The following VWF variants were observed in gnomAD, a reference collection of about 807,000 sequenced individuals.
VWF encodes the protein von Willebrand factor, also known as Factor VIII related antigen.
In VWF, 176 loss-of-function variants were observed where a neutral mutation model predicts 308.6. That is an observed-to-expected ratio of 0.57 (90% CI 0.50 to 0.65). The LOEUF (loss-of-function observed/expected upper bound fraction) is 0.65. Ranked by LOEUF, VWF falls within the 30% of genes least tolerant of loss-of-function variation. The pLI, the probability that VWF is intolerant of heterozygous loss-of-function variation, is 0.00. For synonymous variants in VWF, 1,385 were observed against 1,443.4 expected, an observed-to-expected ratio of 0.96 and a Z score of 0.92; for missense variants, 3,146 against 3,648.2, an observed-to-expected ratio of 0.86 and a Z score of 3.55.
rs111372034 is a variant in VWF, at chr12:6,121,386, G to A, written c.56-48C>T. 86 of 1,603,624 alleles carry A rather than the reference G, an allele frequency of 5.4e-5. No homozygotes were observed. In the African/African-American group the frequency reaches 8.7e-4, roughly 16 times the overall value. On this transcript the variant is annotated intron_variant, in intron 2 of 51. Coordinates refer to ENST00000261405, the MANE Select transcript of VWF (RefSeq NM_000552.5). ...GGGCTGGTGATCTCAGGGCACAACT[G>A]GGACCATCAGCTCAAACCTCTCTGG...
chr12:5,969,382 G>A lies in VWF; in HGVS notation c.7558C>T (p.Gln2520Ter), dbSNP rs1448479214. ...CAGGGGTTCTCCGGGGAGGCCCACT[G>A]GGAGCCGACCTGCAGGGCACCAGAG... is the stretch of plus-strand genomic sequence containing the variant. ...SQSSWKSVGS[Q>*]WASPENPCLI... is the part of the protein sequence containing the mutation. Residue 2520 changes from glutamine (Q) to a stop codon, truncating the protein, a stop_gained, in exon 45 of 52, where the codon CAG (glutamine) becomes TAG (stop). Coordinates refer to ENST00000261405, the MANE Select transcript of VWF (RefSeq NM_000552.5). LOFTEE classifies it high-confidence loss of function. 1.2e-6 allele frequency: 2 copies of A among 1,614,082 alleles called. No homozygotes were observed. Among genetic ancestry groups the A allele is most frequent in the African/African-American group, 1.3e-5 (1 of 74,944 alleles).
intron 6 of VWF, among the ~76,000 whole-genome samples, chr12:6,086,221 T>C (rs1944970228): frequency 2.0e-5 from 3 of 152,218 alleles, no homozygotes; most frequent in African/African-American, 7.2e-5. Context: ...CCCTGGATTC[T>C]TGGACCTCAC....
chr12:6,057,015 T>C lies in VWF; in HGVS notation c.1787A>G (p.His596Arg). ...GTAGGGCAGCGGGCTGACGGCACGA[T>C]GGCAGGCCTCGAATGTGGGGGACGT... ...VLTSPTFEAC[H>R]RAVSPLPYLR... Residue 596 changes from histidine to arginine, a missense_variant, in exon 15 of 52, where the codon CAT (histidine) becomes CGT (arginine). This residue lies in a region of VWF where 1,304 missense variants were observed against 1,353.0 expected (regional missense o/e 0.96). Coordinates refer to ENST00000261405, the MANE Select transcript of VWF (RefSeq NM_000552.5). 1 of 1,550,482 alleles carries C rather than the reference T, an allele frequency of 6.4e-7. No individual in the cohort carries two copies. The highest frequency in any genetic ancestry group is 8.7e-7 in the Non-Finnish European group (1 of 1,153,354).
At chr12:5,957,832 A>G (rs1209988715) in intron 47 of VWF, among the ~76,000 whole-genome samples, 1 of 152,232 alleles carries the variant, frequency 6.6e-6, no homozygotes, top group East Asian at 1.9e-4. Context: ...ATATGTAGGT[A>G]AATATAAATC....
chr12:5,965,989 C>G (rs779185517), intron 47 of VWF, among the ~76,000 whole-genome samples: 2 of 152,200 alleles, frequency 1.3e-5, no homozygotes, highest in Non-Finnish European at 2.9e-5. Flanking sequence ...AAACCTACAT[C>G]TGAGACTGGA....
chr12:5,973,561 C>T (rs1430985957), intron 43 of VWF, among the ~76,000 whole-genome samples: 2 of 152,134 alleles, frequency 1.3e-5, no homozygotes, highest in East Asian at 1.9e-4. Flanking sequence ...ACTGGAGTTG[C>T]GGGTTGTACC....
At chr12:6,051,222 C>T (rs1327869427) in intron 16 of VWF, among the ~76,000 whole-genome samples, 1 of 151,246 alleles carries the variant, frequency 6.6e-6, no homozygotes, top group African/African-American at 2.4e-5. Context: ...GTTGGGGCTC[C>T]TTATACTATT....
Position 6,052,596 on chromosome 12 carries a change from A to G in VWF, c.2133T>C (p.Tyr711=). The change falls in exon 16 of 52, where the codon TAT becomes TAC. Residue 711 remains tyrosine, a synonymous_variant. Transcript: ENST00000261405. ...CTTCTGGCTGGAAGATCTCACCGTC[A>G]TAGTAACAGGGGCACTGGGCCTTGG... ...CVPKAQCPCY[Y]DGEIFQPEDI... is the part of the protein sequence containing the mutation. 1 of 1,614,252 alleles carries G rather than the reference A, an allele frequency of 6.2e-7. No homozygotes were observed. The highest frequency in any genetic ancestry group is 8.5e-7 in the Non-Finnish European group (1 of 1,180,046).
At chr12:6,103,385 CGTGT>C (rs1204590257) in intron 5 of VWF, among the ~76,000 whole-genome samples, 2 of 114,358 alleles carry the variant, frequency 1.7e-5, no homozygotes, top group Non-Finnish European at 3.4e-5. Context: ...TGTGTATACA[CGTGT>C]GTGTATACAC....
Position 6,046,657 on chromosome 12 carries a change from C to G in VWF, c.2281+66G>C. On this transcript the variant is annotated intron_variant, in intron 17 of 51. Coordinates refer to ENST00000261405, the MANE Select transcript of VWF (RefSeq NM_000552.5). The surrounding 1 kb of genome is among the most constrained non-coding windows in gnomAD (Gnocchi z 5.0). The stretch of plus-strand genomic sequence containing the variant: ...GACGGTGTCACCCAGCTCTCTCCCG[C>G]CATTCCACACGTGAGGAATCTGGGC... 6.8e-7 allele frequency: 1 copy of G among 1,476,204 alleles called. No individual in the cohort carries two copies. The highest frequency in any genetic ancestry group is 9.5e-7 in the Non-Finnish European group (1 of 1,054,950). 91.4% of individuals were successfully genotyped at this position (1,476,204 alleles called of 1,614,324 possible). A position where few individuals can be genotyped will look rare whatever the true frequency, so the allele number is the denominator to read the frequency against.
At chr12:6,059,958 T>C (rs1234841493) in intron 13 of VWF, among the ~76,000 whole-genome samples, 1 of 152,034 alleles carries the variant, frequency 6.6e-6, no homozygotes, top group Non-Finnish European at 1.5e-5. Context: ...ATCTTTTCTC[T>C]CTCCTTTCTC....
chr12:5,983,891 T>C (rs1943642306), intron 40 of VWF, among the ~76,000 whole-genome samples: 2 of 151,450 alleles, frequency 1.3e-5, no homozygotes, highest in South Asian at 4.2e-4. Context: ...ATAGGATAGA[T>C]AGAGACAGGA....
At chr12:5,953,011 G>A (rs776344446) in intron 48 of VWF, among the ~76,000 whole-genome samples, 7 of 152,146 alleles carry the variant, frequency 4.6e-5, no homozygotes, top group Non-Finnish European at 1.0e-4. Flanking sequence ...GGCGGATCAC[G>A]AGGTCAAGAG....
intron 6 of VWF, among the ~76,000 whole-genome samples, chr12:6,087,236 T>C (rs935193934): frequency 1.3e-5 from 2 of 151,944 alleles, no homozygotes; most frequent in Non-Finnish European, 2.9e-5. Flanking sequence ...GGGCTTTAGC[T>C]TCGAACGGGC....
At chr12:6,082,487 C>A (rs1486023370) in intron 6 of VWF, among the ~76,000 whole-genome samples, 1 of 152,182 alleles carries the variant, frequency 6.6e-6, no homozygotes, top group Non-Finnish European at 1.5e-5. Flanking sequence ...TTAAGTTTAG[C>A]CGAAAGCTGC....
chr12:5,963,702 G>A (rs1943343863), intron 47 of VWF, among the ~76,000 whole-genome samples: 1 of 152,164 alleles, frequency 6.6e-6, no homozygotes, highest in African/African-American at 2.4e-5. Context: ...TTGAGACAAG[G>A]TCTCGCTCTG....
Position 6,095,601 on chromosome 12 carries a change from C to G in VWF, c.533-17G>C. 6.2e-7 allele frequency: 1 copy of G among 1,614,052 alleles called. No individual in the cohort carries two copies. Among genetic ancestry groups the G allele is most frequent in the Middle Eastern group, 1.7e-4 (1 of 6,060 alleles). ...TCAAGGTCCCTGTGGAGGAAAGTTTCAGGAAAGTAATGCTTCAGTTATGCC... is the reference window on the plus strand; with the variant it reads ...TCAAGGTCCCTGTGGAGGAAAGTTTGAGGAAAGTAATGCTTCAGTTATGCC... On this transcript the variant is annotated splice_polypyrimidine_tract_variant and intron_variant, in intron 5 of 51. Coordinates refer to ENST00000261405, the MANE Select transcript of VWF (RefSeq NM_000552.5).
intron 34 of VWF, among the ~76,000 whole-genome samples, chr12:5,999,033 A>G (rs1035304602): frequency 6.6e-6 from 1 of 152,192 alleles, no homozygotes; most frequent in Non-Finnish European, 1.5e-5. Flanking sequence ...AAAAACATCC[A>G]AACTTTAAAA....
At chr12:6,000,767 G>T (rs867967848) in intron 34 of VWF, among the ~76,000 whole-genome samples, 1 of 134,358 alleles carries the variant, frequency 7.4e-6, no homozygotes, top group Non-Finnish European at 1.5e-5. Flanking sequence ...AGCCGAGATC[G>T]CGCCTCTGCA....
Sources: allele counts gnomAD v4.1 joint callset (sites outside exome capture counted in the v4.1 genomes callset), GRCh38; gene constraint gnomAD v4.1.1; regional missense constraint gnomAD v4.1.1; non-coding constraint Gnocchi (gnomAD v3.1); transcripts MANE v1.5; gene names NCBI Gene and HGNC (gene_info 2026-07-23, HGNC 2026-07-21).